Variants in CXXC1 observed in about 807,000 individuals in gnomAD.
CXXC1 encodes the protein CXXC finger protein 1, also known as CXXC-type zinc finger protein 1.
CXXC1 carries 21 observed loss-of-function variants against 83.6 expected under a neutral mutation model. The ratio of observed to expected loss-of-function variants is 0.25; its 90% CI spans 0.18 to 0.36. The LOEUF (loss-of-function observed/expected upper bound fraction) is 0.36. Ranked by LOEUF, CXXC1 falls within the 10% of genes least tolerant of loss-of-function variation. The pLI is 1.00. For missense variants in CXXC1, 688 were observed against 919.5 expected (o/e 0.75, Z 3.26); for synonymous variants, 371 against 337.5 (o/e 1.10, Z -1.09).
intron 1 of CXXC1, 141 bp from the exon 2 acceptor site, chr18:50,286,999 C>T (rs753332940): frequency 1.7e-5 from 11 of 655,148 alleles, no homozygotes; most frequent in Non-Finnish European, 3.0e-5. Flanking sequence ...ACCTCTCCAT[C>T]ACAGTCCCCA....
Position 50,286,206 on chromosome 18 carries a change from C to T in CXXC1, c.275G>A (p.Arg92Gln), listed in dbSNP as rs1301574674. Residue 92 changes from arginine to glutamine, a missense_variant, in exon 4 of 15, where the codon CGG becomes CAG. By Grantham distance (43) the Arg-to-Gln change is conservative (BLOSUM62 1). Coordinates refer to ENST00000285106, the MANE Select transcript of CXXC1 (RefSeq NM_014593.4). ...IRYRHKKSRE[R>Q]DGNERDSSEP... ...ACTGCTGTCCCGCTCATTGCCATCC[C>T]GCTCCCGTGACTTCTTGTGCCGATA... is the stretch of plus-strand genomic sequence containing the variant. 6.2e-6 allele frequency: 10 copies of T among 1,613,294 alleles called. No individual in the cohort carries two copies. In the East Asian group the frequency reaches 1.6e-4, roughly 25 times the overall value.
chr18:50,284,148 G>A (rs1482448640), intron 9 of CXXC1, 47 bp from the exon 10 acceptor site: 1 of 1,569,602 alleles, frequency 6.4e-7, no homozygotes, highest in Admixed American at 1.7e-5. Flanking sequence ...TGATCAGTAA[G>A]TGAGAATGGC....
chr18:50,287,264 C>T, intron 1 of CXXC1: 1 of 519,086 alleles, frequency 1.9e-6, no homozygotes, highest in Non-Finnish European at 3.5e-6. Flanking sequence ...GATACCCGGA[C>T]ACGGACTCCT....
Position 50,286,765 on chromosome 18 carries a change from T to C in CXXC1, c.97A>G (p.Lys33Glu). The C allele has an allele frequency of 6.2e-7, 1 of 1,614,070 alleles. No individual in the cohort carries two copies. Among genetic ancestry groups the C allele is most frequent in the Non-Finnish European group, 8.5e-7 (1 of 1,179,950 alleles). The change falls in exon 2 of 15, where the codon AAA becomes GAA. Residue 33 changes from lysine to glutamate, a missense_variant. Lys to Glu is a moderately conservative substitution (Grantham distance 56, BLOSUM62 1). Coordinates refer to ENST00000285106, the MANE Select transcript of CXXC1 (RefSeq NM_014593.4). ...ATCATGAAGCAGTTGATGTCCGGTT[T>C]GCGGCAGATGCAGTAGATGGGCGCA... The part of the protein sequence containing the change: ...ENAPIYCICR[K>E]PDINCFMIGC...
chr18:50,285,358 C>T lies in CXXC1; in HGVS notation c.640-7G>A, dbSNP rs769129941. ...GGAAGTACTTGTACGATTCCTGTGC[C>T]GGCAGGAGGAAGGCCCAGGTCAGCC... On this transcript the variant is annotated splice_polypyrimidine_tract_variant and splice_region_variant and intron_variant, in intron 5 of 14. Coordinates refer to ENST00000285106, the MANE Select transcript of CXXC1 (RefSeq NM_014593.4). The surrounding 1 kb of genome is among the most constrained non-coding windows in gnomAD (Gnocchi z 4.4). The T allele has an allele frequency of 1.3e-6, 2 of 1,587,576 alleles. No individual in the cohort carries two copies. The highest frequency in any genetic ancestry group is 1.7e-6 in the Non-Finnish European group (2 of 1,165,488).
intron 12 of CXXC1, 46 bp from the exon 13 acceptor site, chr18:50,283,407 T>A: frequency 6.7e-6 from 10 of 1,486,506 alleles, no homozygotes; most frequent in Non-Finnish European, 8.4e-6. Context: ...GGAAGGGAGG[T>A]CCATCTGTCC....
At position 50,282,978 on chromosome 18, in the gene CXXC1, G is replaced by C. The variant is rs566976318; in HGVS notation, c.1700C>G (p.Pro567Arg). 1.2e-6 allele frequency: 2 copies of C among 1,614,144 alleles called. No homozygotes were observed. Among genetic ancestry groups the C allele is most frequent in the South Asian group, 1.1e-5 (1 of 91,090 alleles). Residue 567 changes from proline to arginine, a missense_variant, in exon 14 of 15, where the codon CCC (proline) becomes CGC (arginine). Transcript: ENST00000285106. The surrounding 1 kb of genome is among the most constrained non-coding windows in gnomAD (Gnocchi z 5.8). Reference protein sequence around the residue: ...KVPADEVCGCPLVRDVFELTG... With the variant: ...KVPADEVCGCRLVRDVFELTG... The stretch of plus-strand genomic sequence containing the variant: ...GAGCTCAAAGACATCACGTACAAGG[G>C]GGCACCCGCATACCTCGTCAGCTGG...
Position 50,286,734 on chromosome 18 carries a change from G to GCTCACAT in CXXC1, c.121_122+5dup. On this transcript the variant is annotated splice_donor_region_variant and intron_variant, in intron 2 of 14. Transcript: ENST00000285106. ...TGTCAGCCCCGCCCATCTCTCCCGC[G>GCTCACAT]CTCACATCATGAAGCAGTTGATGTC... 6.2e-7 allele frequency: 1 copy of GCTCACAT among 1,611,720 alleles called. No individual in the cohort carries two copies. Among genetic ancestry groups the GCTCACAT allele is most frequent in the Non-Finnish European group, 8.5e-7 (1 of 1,177,830 alleles).
Position 50,286,756 on chromosome 18 carries a change from T to C in CXXC1, c.106A>G (p.Ile36Val). The C allele has an allele frequency of 6.2e-7, 1 of 1,614,038 alleles. No homozygotes were observed. Among genetic ancestry groups the C allele is most frequent in the Non-Finnish European group, 8.5e-7 (1 of 1,179,878 alleles). Residue 36 changes from isoleucine to valine, a missense_variant, in exon 2 of 15, where the codon ATC becomes GTC. Coordinates refer to ENST00000285106, the MANE Select transcript of CXXC1 (RefSeq NM_014593.4). Reference protein sequence around the residue: ...PIYCICRKPDINCFMIGCDNC... With the variant: ...PIYCICRKPDVNCFMIGCDNC... Reference sequence around the variant, plus strand: ...CGCGCTCACATCATGAAGCAGTTGATGTCCGGTTTGCGGCAGATGCAGTAG... The same window carrying C: ...CGCGCTCACATCATGAAGCAGTTGACGTCCGGTTTGCGGCAGATGCAGTAG...
chr18:50,285,400 C>A lies in CXXC1; in HGVS notation c.640-49G>T. The A allele has an allele frequency of 6.4e-7, 1 of 1,550,964 alleles. No individual in the cohort carries two copies. Among genetic ancestry groups the A allele is most frequent in the Non-Finnish European group, 8.7e-7 (1 of 1,149,086 alleles). On this transcript the variant is annotated intron_variant, in intron 5 of 14. Transcript: ENST00000285106. This position sits in a 1 kb window ranked among gnomAD's most constrained non-coding sequence, Gnocchi z 4.4. Reference sequence around the variant, plus strand: ...AGGTCAGCCCCAGGTGGATGGAGGGCGGCCTTGCCCTAGCCCTACCCACCT... The same window carrying A: ...AGGTCAGCCCCAGGTGGATGGAGGGAGGCCTTGCCCTAGCCCTACCCACCT...
chr18:50,286,808 C>A lies in CXXC1; in HGVS notation c.54G>T (p.Lys18Asn), dbSNP rs1487856745. ...TGGGCGCATTCTCCCCATTCTCGGA[C>A]TTGCTGTCCTCCCCGGCATCTGGAG... ...PEPPDAGEDS[K>N]SENGENAPIY... Residue 18 changes from lysine to asparagine, a missense_variant, in exon 2 of 15, where the codon AAG becomes AAT. Physicochemically the swap from Lys to Asn is moderately conservative, Grantham distance 94. Transcript: ENST00000285106. The A allele has an allele frequency of 6.2e-7, 1 of 1,614,054 alleles. No homozygotes were observed. Among genetic ancestry groups the A allele is most frequent in the Non-Finnish European group, 8.5e-7 (1 of 1,180,020 alleles).
At position 50,284,802 on chromosome 18, in the gene CXXC1, T is replaced by C; in HGVS notation, c.950A>G (p.Asp317Gly). 1 of 1,614,126 alleles carries C rather than the reference T, an allele frequency of 6.2e-7. No individual in the cohort carries two copies. The highest frequency in any genetic ancestry group is 2.2e-5 in the East Asian group (1 of 44,868). Residue 317 changes from aspartate to glycine, a missense_variant, in exon 8 of 15, where the codon GAC becomes GGC. By Grantham distance (94) the Asp-to-Gly change is moderately conservative. This residue lies in a region of CXXC1 where 190 missense variants were observed against 199.7 expected (regional missense o/e 0.95). Transcript: ENST00000285106. ...MSDTEESPFL[D>G]PALRKRAVKV... ...CACTGCCCTCTTCCGCAGCGCGGGG[T>C]CCAGGAATGGGGACTCTTCTGTGTC...
At position 50,285,044 on chromosome 18, in the gene CXXC1, C is replaced by A. The variant is rs761142187; in HGVS notation, c.870G>T (p.Leu290=). The change falls in exon 7 of 15, where the codon CTG becomes CTT. Residue 290 remains leucine (L), a synonymous_variant. Coordinates refer to ENST00000285106, the MANE Select transcript of CXXC1 (RefSeq NM_014593.4). This position sits in a 1 kb window ranked among gnomAD's most constrained non-coding sequence, Gnocchi z 4.4. ...SDEDLPLDPD[L]YQDFCAGAFD... ...AGGCCCCTGCACAGAAGTCCTGATA[C>A]AGGTCAGGATCCAGAGGTAGGTCCT... 1 of 1,614,246 alleles carries A rather than the reference C, an allele frequency of 6.2e-7. No individual in the cohort carries two copies. The highest frequency in any genetic ancestry group is 1.1e-5 in the South Asian group (1 of 91,088).
In CXXC1 at chr18:50,283,354, G is replaced by C; in HGVS notation, c.1582C>G (p.Arg528Gly). The change falls in exon 13 of 15, where the codon CGA (arginine) becomes GGA (glycine). Residue 528 changes from arginine (R) to glycine (G), a missense_variant. This residue lies in a region of CXXC1 where 114 missense variants were observed against 173.3 expected (regional missense o/e 0.66). Coordinates refer to ENST00000285106, the MANE Select transcript of CXXC1 (RefSeq NM_014593.4). ...GGATTATACACATCACAGAAGAGTC[G>C]TGTGGCCCTGGGGATTTGGAGTAGA... ...MYPTRIEGAT[R>G]LFCDVYNPQS... 6.2e-7 allele frequency: 1 copy of C among 1,613,826 alleles called. No individual in the cohort carries two copies. Among genetic ancestry groups the C allele is most frequent in the Non-Finnish European group, 8.5e-7 (1 of 1,179,806 alleles).
chr18:50,285,163 A>G lies in CXXC1; in HGVS notation c.751T>C (p.Leu251=). 1.2e-6 allele frequency: 2 copies of G among 1,614,090 alleles called. No individual in the cohort carries two copies. The highest frequency in any genetic ancestry group is 2.2e-5 in the South Asian group (2 of 91,086). ...TQQQPQPSQK[L]GRIREDEGAV... Reference sequence around the variant, plus strand: ...CCCTCATCTTCACGGATGCGCCCTAACTTCTGTGATGGCTGTGGCTGCTGT... The same window carrying G: ...CCCTCATCTTCACGGATGCGCCCTAGCTTCTGTGATGGCTGTGGCTGCTGT... Residue 251 remains leucine, a synonymous_variant, in exon 7 of 15, where the codon TTA becomes CTA. Coordinates refer to ENST00000285106, the MANE Select transcript of CXXC1 (RefSeq NM_014593.4). The surrounding 1 kb of genome is among the most constrained non-coding windows in gnomAD (Gnocchi z 4.4).
intron 3 of CXXC1, 113 bp from the exon 4 acceptor site, chr18:50,286,370 C>G (rs2040714776): frequency 8.8e-7 from 1 of 1,132,940 alleles, no homozygotes; most frequent in Admixed American, 2.0e-5. Context: ...ACTCTGCACC[C>G]CTGTCCAGGG....
chr18:50,286,232 G>A lies in CXXC1; in HGVS notation c.249C>T (p.Arg83=), dbSNP rs775783037. 2 of 1,610,736 alleles carry A rather than the reference G, an allele frequency of 1.2e-6. No homozygotes were observed. The highest frequency in any genetic ancestry group is 1.7e-6 in the Non-Finnish European group (2 of 1,179,204). ...CREKDPKLEI[R]YRHKKSRERD... ...GCTCCCGTGACTTCTTGTGCCGATA[G>A]CGAATCTCTAGCTTGGGGTCTTTCT... is the stretch of plus-strand genomic sequence containing the variant. The change falls in exon 4 of 15, where the codon CGC becomes CGT. Residue 83 remains arginine (R), a synonymous_variant. Transcript: ENST00000285106.
chr18:50,285,288 C>T lies in CXXC1; in HGVS notation c.666+37G>A, dbSNP rs766251867. The T allele has an allele frequency of 1.9e-6, 3 of 1,610,988 alleles. No individual in the cohort carries two copies. In the South Asian group the frequency reaches 3.3e-5, roughly 18 times the overall value. ...TCAGGACTGGCCCTGACCGCCCTGC[C>T]CGCATGCCCCACCCCACCCTGGGGG... On this transcript the variant is annotated intron_variant, in intron 6 of 14. Coordinates refer to ENST00000285106, the MANE Select transcript of CXXC1 (RefSeq NM_014593.4). The surrounding 1 kb of genome is among the most constrained non-coding windows in gnomAD (Gnocchi z 4.4).
chr18:50,282,664 C>A lies in CXXC1; in HGVS notation c.1900G>T (p.Ala634Ser). The A allele has an allele frequency of 6.2e-7, 1 of 1,613,242 alleles. No individual in the cohort carries two copies. The highest frequency in any genetic ancestry group is 8.5e-7 in the Non-Finnish European group (1 of 1,180,030). The change falls in exon 15 of 15, where the codon GCC (alanine) becomes TCC (serine). Residue 634 changes from alanine to serine, a missense_variant. Ala to Ser is a moderately conservative substitution (Grantham distance 99). Around this residue, in one of 9 missense-constraint regions of CXXC1, gnomAD observed 114 missense variants for 173.3 expected, o/e 0.66. Coordinates refer to ENST00000285106, the MANE Select transcript of CXXC1 (RefSeq NM_014593.4). This position sits in a 1 kb window ranked among gnomAD's most constrained non-coding sequence, Gnocchi z 5.8. ...TGGATCGTCTGGTGCAGCATCAGGGCCAGCAATCCCGCGCGGTTTGTCATG... is the reference window on the plus strand; with the variant it reads ...TGGATCGTCTGGTGCAGCATCAGGGACAGCAATCCCGCGCGGTTTGTCATG... ...TAMTNRAGLLALMLHQTIQHD... is the reference protein window; with the variant it reads ...TAMTNRAGLLSLMLHQTIQHD...
Sources: allele counts gnomAD v4.1 joint callset, GRCh38; gene constraint gnomAD v4.1.1; regional missense constraint gnomAD v4.1.1; non-coding constraint Gnocchi (gnomAD v3.1); transcripts MANE v1.5; gene names NCBI Gene and HGNC (gene_info 2026-07-23, HGNC 2026-07-21).